MEI4: variants seen among roughly 807,000 people sequenced by gnomAD.
MEI4 encodes meiosis-specific protein MEI4.
MEI4 carries 27 observed loss-of-function variants against 31.4 expected under a neutral mutation model. The observed-to-expected ratio is 0.86, with a 90% confidence interval of 0.63 to 1.19. The LOEUF is 1.19. MEI4 is among the 50% of genes most tolerant of loss of function. MEI4 has a pLI of 0.00. For missense variants in MEI4, 329 were observed against 398.9 expected, an observed-to-expected ratio of 0.82 and a Z score of 1.49; for synonymous variants, 122 against 145.4, an observed-to-expected ratio of 0.84 and a Z score of 1.16.
Position 77,847,385 on chromosome 6 carries a change from C to CT in MEI4, c.900+18329dup, listed in dbSNP as rs34628490. 2.6e-5 allele frequency among the ~76,000 whole-genome samples: 4 copies of CT among 152,046 alleles called. No homozygotes were observed. The highest frequency in any genetic ancestry group is 1.5e-5 in the Non-Finnish European group (1 of 68,010). ...GTCAATTAAGTATGATTAATTCTTCCTTTTTTCCATAAGCATGAGAATGTA... is the reference window on the plus strand; with the variant it reads ...GTCAATTAAGTATGATTAATTCTTCCTTTTTTTCCATAAGCATGAGAATGTA... On this transcript the variant is annotated intron_variant, in intron 4 of 4. Coordinates refer to ENST00000684080, the MANE Select transcript of MEI4 (RefSeq NM_001322247.2). This position sits in a 1 kb window ranked among gnomAD's most constrained non-coding sequence, Gnocchi z 4.6.
At chr6:77,729,956 C>T (rs533492668) in intron 2 of MEI4, among the ~76,000 whole-genome samples, 7 of 152,112 alleles carry the variant, frequency 4.6e-5, no homozygotes, top group Non-Finnish European at 8.8e-5. Context: ...GAGAACAACT[C>T]AGTCTAAAGG....
chr6:77,773,534 C>A (rs1768366769), intron 3 of MEI4, among the ~76,000 whole-genome samples: 1 of 151,934 alleles, frequency 6.6e-6, no homozygotes, highest in Non-Finnish European at 1.5e-5. Context: ...AAAATCAAAT[C>A]ACAGTGGATT....
At chr6:77,730,269 G>C (rs1766940617) in intron 2 of MEI4, among the ~76,000 whole-genome samples, 1 of 152,120 alleles carries the variant, frequency 6.6e-6, no homozygotes, top group African/African-American at 2.4e-5. Context: ...ACACATTGAT[G>C]AATGGAAATT....
chr6:77,790,269 G>C (rs559980833), intron 3 of MEI4, among the ~76,000 whole-genome samples: 1 of 122,420 alleles, frequency 8.2e-6, no homozygotes, highest in East Asian at 2.6e-4. Flanking sequence ...GGGGGAGGGG[G>C]GAGGGATAGC....
intron 3 of MEI4, among the ~76,000 whole-genome samples, chr6:77,779,152 G>A (rs568002898): frequency 1.3e-5 from 2 of 152,216 alleles, no homozygotes; most frequent in Admixed American, 6.5e-5. Flanking sequence ...AACATTTAGT[G>A]GTCATGTAGA....
chr6:77,764,463 A>G (rs928618037), intron 3 of MEI4, among the ~76,000 whole-genome samples: 4 of 152,052 alleles, frequency 2.6e-5, no homozygotes, highest in Admixed American at 1.3e-4. Context: ...TCCAGTCTTT[A>G]TTATTCTCTT....
intron 2 of MEI4, among the ~76,000 whole-genome samples, chr6:77,732,877 T>G (rs1307176502): frequency 6.6e-6 from 1 of 151,784 alleles, no homozygotes; most frequent in Non-Finnish European, 1.5e-5. Flanking sequence ...GTGCATCTAT[T>G]GAGATAATCA....
chr6:77,810,587 GAA>G (rs1769553258), intron 3 of MEI4, among the ~76,000 whole-genome samples: 1 of 152,228 alleles, frequency 6.6e-6, no homozygotes, highest in African/African-American at 2.4e-5. Flanking sequence ...GTTAAACTTA[GAA>G]TTCCTAGGCT....
chr6:77,711,558 G>A (rs970102010), intron 2 of MEI4, among the ~76,000 whole-genome samples: 1 of 152,144 alleles, frequency 6.6e-6, no homozygotes, highest in African/African-American at 2.4e-5. Flanking sequence ...GAATGACAAT[G>A]GTGAGGGTGT....
At chr6:77,853,170 C>T (rs1770670299) in intron 4 of MEI4, among the ~76,000 whole-genome samples, 2 of 152,246 alleles carry the variant, frequency 1.3e-5, no homozygotes, top group Admixed American at 1.3e-4. Context: ...TGCACTCCAG[C>T]CCTGCAACAG....
intron 4 of MEI4, among the ~76,000 whole-genome samples, chr6:77,887,615 G>T (rs1396627171): frequency 6.6e-6 from 1 of 152,048 alleles, no homozygotes; most frequent in Non-Finnish European, 1.5e-5. Flanking sequence ...TTTATTTCTA[G>T]TTTTATTACA....
intron 2 of MEI4, among the ~76,000 whole-genome samples, chr6:77,735,001 T>G (rs1205896900): frequency 2.0e-5 from 3 of 152,076 alleles, no homozygotes; most frequent in African/African-American, 4.8e-5. Context: ...TGCCGAGAGA[T>G]CCGCTGTTAG....
rs569498813 is a variant in MEI4 at position 77,893,030 on chromosome 6, C to G, written c.901-30059C>G. On this transcript the variant is annotated intron_variant, in intron 4 of 4. Transcript: ENST00000684080. The stretch of plus-strand genomic sequence containing the variant: ...TCTGTGGAAAAAGATATTTTTCCCA[C>G]AATGGAGAGTGCCTCCTGGCTCCAA... Among the ~76,000 whole-genome samples the G allele has an allele frequency of 4.6e-5, 7 of 152,252 alleles. No homozygotes were observed. The East Asian group carries it at 1.4e-3, about 29-fold the overall frequency.
intron 2 of MEI4, among the ~76,000 whole-genome samples, chr6:77,695,478 A>G (rs140911656): frequency 0.012 from 1,882 of 152,312 alleles, 43 homozygotes; most frequent in African/African-American, 0.042. Flanking sequence ...AGCTTTCTAC[A>G]TATGGCTAGC....
intron 2 of MEI4, among the ~76,000 whole-genome samples, chr6:77,740,926 C>T (rs1767384223): frequency 6.6e-6 from 1 of 152,074 alleles, no homozygotes; most frequent in South Asian, 2.1e-4. Flanking sequence ...AGAACCTCGT[C>T]TTTACAATAG....
rs190796248 is a variant in MEI4, at chr6:77,811,576, G to A, written c.769-17355G>A. Reference sequence around the variant, plus strand: ...ATGGATCACAAGGTCAAGAGATCAAGACATCCTGGCCAACATGGTGAAACC... The same window carrying A: ...ATGGATCACAAGGTCAAGAGATCAAAACATCCTGGCCAACATGGTGAAACC... On this transcript the variant is annotated intron_variant, in intron 3 of 4. Coordinates refer to ENST00000684080, the MANE Select transcript of MEI4 (RefSeq NM_001322247.2). Among the ~76,000 whole-genome samples, 11 of 152,124 alleles carry A rather than the reference G, an allele frequency of 7.2e-5. No homozygotes were observed. In the East Asian group the frequency reaches 1.5e-3, roughly 21 times the overall value.
intron 4 of MEI4, among the ~76,000 whole-genome samples, chr6:77,907,910 C>A (rs983348260): frequency 6.6e-6 from 1 of 151,690 alleles, no homozygotes; most frequent in Non-Finnish European, 1.5e-5. Flanking sequence ...TGATGACGAG[C>A]GTGTTTTCAT....
At chr6:77,663,905 G>C (rs1273394107) in intron 1 of MEI4, among the ~76,000 whole-genome samples, 1 of 152,206 alleles carries the variant, frequency 6.6e-6, no homozygotes, top group South Asian at 2.1e-4. Flanking sequence ...TGGCTGCCAG[G>C]TGAGTTGAAC....
At chr6:77,914,879 G>C (rs766965238) in intron 4 of MEI4, among the ~76,000 whole-genome samples, 22 of 151,870 alleles carry the variant, frequency 1.4e-4, no homozygotes, top group Non-Finnish European at 2.9e-5. Flanking sequence ...CACTTCTCCT[G>C]CTACTTTTCA....
Sources: allele counts gnomAD v4.1 joint callset (sites outside exome capture counted in the v4.1 genomes callset), GRCh38; gene constraint gnomAD v4.1.1; non-coding constraint Gnocchi (gnomAD v3.1); transcripts MANE v1.5; gene names NCBI Gene and HGNC (gene_info 2026-07-23, HGNC 2026-07-21).